Variants in PDE9A observed in about 807,000 individuals in gnomAD.
PDE9A encodes the protein phosphodiesterase 9A.
A neutral mutation model predicts 87.4 loss-of-function variants in PDE9A; 60 were observed. That is an observed-to-expected ratio of 0.69 (90% CI 0.56 to 0.85). PDE9A has a LOEUF of 0.85. Ranked by LOEUF, PDE9A falls within the 40% of genes least tolerant of loss-of-function variation. PDE9A has a pLI of 0.00. For synonymous variants in PDE9A, 272 were observed against 279.4 expected, an observed-to-expected ratio of 0.97 and a Z score of 0.27; for missense variants, 665 against 779.0, an observed-to-expected ratio of 0.85 and a Z score of 1.74.
intron 1 of PDE9A, among the ~76,000 whole-genome samples, chr21:42,670,519 G>T (rs547054095): frequency 2.1e-5 from 3 of 140,640 alleles, no homozygotes; most frequent in Non-Finnish European, 4.7e-5. Context: ...CACACACACA[G>T]GCAATCACAC....
chr21:42,762,968 C>G (rs919913873), intron 14 of PDE9A, among the ~76,000 whole-genome samples: 1 of 152,228 alleles, frequency 6.6e-6, no homozygotes, highest in Non-Finnish European at 1.5e-5. Flanking sequence ...GCTGGGATTA[C>G]AGGTGTGAGC....
At chr21:42,752,445 T>G (rs1569247569) in intron 9 of PDE9A, among the ~76,000 whole-genome samples, 1 of 152,102 alleles carries the variant, frequency 6.6e-6, no homozygotes, top group South Asian at 2.1e-4. Flanking sequence ...ATTACTGTAT[T>G]TTTAGTAGAG....
chr21:42,654,081 G>GGTGGGGT (rs1183686415), intron 1 of PDE9A, among the ~76,000 whole-genome samples, 198 bp downstream of exon 1: 3 of 145,868 alleles, frequency 2.1e-5, no homozygotes, highest in Non-Finnish European at 4.6e-5. Flanking sequence ...GGGGGTGGGG[G>GGTGGGGT]GTGGGGGGGC....
At chr21:42,654,079 G>A (rs2056859862) in intron 1 of PDE9A, among the ~76,000 whole-genome samples, 196 bp downstream of exon 1, 1 of 145,690 alleles carries the variant, frequency 6.9e-6, no homozygotes, top group South Asian at 2.3e-4. Context: ...TGGGGGGTGG[G>A]GGGTGGGGGG....
In PDE9A at chr21:42,710,692, C is replaced by T. The variant is rs375405854; in HGVS notation, c.262+11681C>T. Among the ~76,000 whole-genome samples the T allele has an allele frequency of 1.2e-4, 19 of 152,232 alleles. No individual in the cohort carries two copies. The South Asian group carries it at 1.9e-3, about 15-fold the overall frequency. Reference sequence around the variant, plus strand: ...CATATTTTGTGTAGTGTCTGTTCAACAATACTTTGCTCAGGCCAGGTCCGG... The same window carrying T: ...CATATTTTGTGTAGTGTCTGTTCAATAATACTTTGCTCAGGCCAGGTCCGG... On this transcript the variant is annotated intron_variant, in intron 4 of 19. Transcript: ENST00000291539.
At chr21:42,673,444 G>T (rs1418727946) in intron 1 of PDE9A, among the ~76,000 whole-genome samples, 2 of 152,210 alleles carry the variant, frequency 1.3e-5, no homozygotes, top group African/African-American at 2.4e-5. Context: ...CAGGCCCACA[G>T]CCTCCTCCAC....
rs58515760 is a variant in PDE9A, at chr21:42,727,489, A to ATTTTTTTTTTTTT, written c.263-4269_263-4257dup. 2.4e-4 allele frequency among the ~76,000 whole-genome samples: 21 copies of ATTTTTTTTTTTTT among 88,324 alleles called. 1 individual carries two copies. Among genetic ancestry groups the ATTTTTTTTTTTTT allele is most frequent in the East Asian group, 1.1e-3 (4 of 3,508 alleles). The allele number at this position is 88,324 out of a possible 152,430, so 57.9% of individuals were successfully genotyped here. ...CAGGCACATGCCACCACGCCTGGCT[A>ATTTTTTTTTTTTT]TTTTTTTTTTTTTTTTTTTTTTTTG... is the stretch of plus-strand genomic sequence containing the variant. On this transcript the variant is annotated intron_variant, in intron 4 of 19. Coordinates refer to ENST00000291539, the MANE Select transcript of PDE9A (RefSeq NM_002606.3).
chr21:42,710,365 C>T (rs940856537), intron 4 of PDE9A, among the ~76,000 whole-genome samples: 21 of 148,220 alleles, frequency 1.4e-4, no homozygotes, highest in African/African-American at 4.0e-4. Flanking sequence ...GCAGAGGTTG[C>T]GCCACTGCAC....
chr21:42,708,776 G>C (rs891219847), intron 4 of PDE9A, among the ~76,000 whole-genome samples: 1 of 151,940 alleles, frequency 6.6e-6, no homozygotes, highest in African/African-American at 2.4e-5. Context: ...GGCTGATCTC[G>C]AACTCCTGAC....
intron 4 of PDE9A, among the ~76,000 whole-genome samples, chr21:42,708,058 TAG>T (rs1208018506): frequency 1.3e-5 from 2 of 152,214 alleles, no homozygotes; most frequent in Non-Finnish European, 2.9e-5. Flanking sequence ...TGTCTGCGCA[TAG>T]ACATGTTGCT....
At chr21:42,670,387 TAC>T (rs2058429245) in intron 1 of PDE9A, among the ~76,000 whole-genome samples, 1 of 106,974 alleles carries the variant, frequency 9.3e-6, no homozygotes, top group Admixed American at 7.9e-5. Context: ...CATTCACATT[TAC>T]ATTCACAAAC....
chr21:42,755,106 C>T (rs753266078), intron 10 of PDE9A, among the ~76,000 whole-genome samples: 1 of 152,222 alleles, frequency 6.6e-6, no homozygotes, highest in Non-Finnish European at 1.5e-5. Context: ...AGACCTCGGC[C>T]TCAGCTGTTT....
intron 4 of PDE9A, among the ~76,000 whole-genome samples, chr21:42,708,597 G>A (rs1416150503): frequency 2.0e-5 from 3 of 152,042 alleles, no homozygotes; most frequent in Non-Finnish European, 2.9e-5. Flanking sequence ...TCTTGTTGCC[G>A]AGGCTGGAGT....
intron 1 of PDE9A, among the ~76,000 whole-genome samples, chr21:42,657,294 G>C (rs1016285453): frequency 4.6e-5 from 7 of 152,206 alleles, no homozygotes; most frequent in Non-Finnish European, 1.0e-4. Context: ...ATCAGGACTT[G>C]GCACTTCCCC....
intron 1 of PDE9A, among the ~76,000 whole-genome samples, chr21:42,672,305 C>T (rs1256909620): frequency 6.6e-6 from 1 of 152,220 alleles, no homozygotes; most frequent in African/African-American, 2.4e-5. Flanking sequence ...CCGGGCTCTT[C>T]TCTCTCTTGT....
chr21:42,702,442 GCCATATCCGAGTCTGT>G lies in PDE9A; in HGVS notation c.262+3433_262+3448del, dbSNP rs1180571307. On this transcript the variant is annotated intron_variant, in intron 4 of 19. Transcript: ENST00000291539. The surrounding 1 kb of genome is among the most constrained non-coding windows in gnomAD (Gnocchi z 4.9). Reference sequence around the variant, plus strand: ...ATTGTCTGCTGGTTTCCTCCTCTCTGCCATATCCGAGTCTGTCTCTGTTGATTGATTTATCTCCTGG... The same window carrying G: ...ATTGTCTGCTGGTTTCCTCCTCTCTGCTCTGTTGATTGATTTATCTCCTGG... Among the ~76,000 whole-genome samples the G allele has an allele frequency of 6.6e-6, 1 of 151,816 alleles. No homozygotes were observed. The highest frequency in any genetic ancestry group is 1.5e-5 in the Non-Finnish European group (1 of 67,996).
chr21:42,654,395 G>T (rs1467241739), intron 1 of PDE9A, among the ~76,000 whole-genome samples: 1 of 152,164 alleles, frequency 6.6e-6, no homozygotes, highest in Non-Finnish European at 1.5e-5. Context: ...CAGCGGGTCC[G>T]GCTCTCCCCT....
Position 42,675,155 on chromosome 21 carries a change from T to G in PDE9A, c.70-11037T>G, listed in dbSNP as rs976503103. On this transcript the variant is annotated intron_variant, in intron 1 of 19. Coordinates refer to ENST00000291539, the MANE Select transcript of PDE9A (RefSeq NM_002606.3). The surrounding 1 kb of genome is among the most constrained non-coding windows in gnomAD (Gnocchi z 4.3). Reference sequence around the variant, plus strand: ...TGGCTTTCTTTCACATAATTTTGTGTCCTGATCATTTTCACTCAGCATTAC... The same window carrying G: ...TGGCTTTCTTTCACATAATTTTGTGGCCTGATCATTTTCACTCAGCATTAC... Among the ~76,000 whole-genome samples, 2 of 152,254 alleles carry G rather than the reference T, an allele frequency of 1.3e-5. No individual in the cohort carries two copies. Among genetic ancestry groups the G allele is most frequent in the Admixed American group, 1.3e-4 (2 of 15,288 alleles).
At chr21:42,706,248 G>C (rs1348406405) in intron 4 of PDE9A, among the ~76,000 whole-genome samples, 1 of 152,208 alleles carries the variant, frequency 6.6e-6, no homozygotes, top group African/African-American at 2.4e-5. Context: ...AATTCTGAAG[G>C]CTTAGTATGA....
Sources: allele counts gnomAD v4.1 joint callset (sites outside exome capture counted in the v4.1 genomes callset), GRCh38; gene constraint gnomAD v4.1.1; non-coding constraint Gnocchi (gnomAD v3.1); transcripts MANE v1.5; gene names NCBI Gene and HGNC (gene_info 2026-07-23, HGNC 2026-07-21).